The following ARVCF variants were observed in gnomAD, a reference collection of about 807,000 sequenced individuals.
ARVCF encodes the protein ARVCF delta catenin family member, also known as splicing regulator ARVCF.
In ARVCF, 66 loss-of-function variants were observed where a neutral mutation model predicts 90.9. That is an observed-to-expected ratio of 0.73 (90% CI 0.60 to 0.89). The LOEUF is 0.89. Among genes scored for constraint, ARVCF ranks in the 40% least tolerant of loss-of-function variants. The pLI is 0.00. For missense variants in ARVCF, 1,469 were observed against 1,382.3 expected, an observed-to-expected ratio of 1.06 and a Z score of -1.00; for synonymous variants, 653 against 603.4, an observed-to-expected ratio of 1.08 and a Z score of -1.21.
intron 2 of ARVCF, among the ~76,000 whole-genome samples, chr22:20,005,824 G>C (rs1383955471): frequency 2.6e-5 from 4 of 151,260 alleles, no homozygotes; most frequent in Non-Finnish European, 5.9e-5. Context: ...ATTGAAAGCA[G>C]AGTCTCCAAG....
At chr22:20,008,845 G>A (rs1317882813) in intron 2 of ARVCF, among the ~76,000 whole-genome samples, 1 of 152,192 alleles carries the variant, frequency 6.6e-6, no homozygotes, top group Non-Finnish European at 1.5e-5. Context: ...ATTCCAGATG[G>A]GCAGGATAGG....
At position 19,972,843 on chromosome 22, in the gene ARVCF, C is replaced by T. The variant is rs768260937; in HGVS notation, c.2551-16G>A. 1 of 1,613,596 alleles carries T rather than the reference C, an allele frequency of 6.2e-7. No homozygotes were observed. The highest frequency in any genetic ancestry group is 2.2e-5 in the East Asian group (1 of 44,866). On this transcript the variant is annotated splice_polypyrimidine_tract_variant and intron_variant, in intron 15 of 19. Coordinates refer to ENST00000263207, the MANE Select transcript of ARVCF (RefSeq NM_001670.3). ...CAGCAGCTGACTGAGACATAAAACA[C>T]AGACACAGGGTGGGTGAAGCACATG...
chr22:20,005,794 TAA>T (rs80188534), intron 2 of ARVCF, among the ~76,000 whole-genome samples: 42 of 115,522 alleles, frequency 3.6e-4, no homozygotes, highest in Non-Finnish European at 3.3e-4. Context: ...AGACTCCGTC[TAA>T]AAAAAAAAAA....
intron 2 of ARVCF, among the ~76,000 whole-genome samples, chr22:19,994,709 A>C (rs1944172470): frequency 1.3e-5 from 1 of 78,880 alleles, no homozygotes; most frequent in Non-Finnish European, 2.3e-5. Context: ...GGATGAATGG[A>C]TGGATGGGTG....
At chr22:19,983,024 G>A (rs2238781) in intron 3 of ARVCF, among the ~76,000 whole-genome samples, 1 of 152,110 alleles carries the variant, frequency 6.6e-6, no homozygotes, top group Non-Finnish European at 1.5e-5. Context: ...TCAGAGCCAG[G>A]CCCAACCCCT....
Position 19,996,349 on chromosome 22 carries a change from T to C in ARVCF, c.-18-5537A>G, listed in dbSNP as rs78183040. ...AAAAGGGCCACACAGTGTGGTCATG[T>C]TTTTTAAAGAACTGACACCATTTAG... is the stretch of plus-strand genomic sequence containing the variant. On this transcript the variant is annotated intron_variant, in intron 2 of 19. Transcript: ENST00000263207. 3.2e-3 allele frequency among the ~76,000 whole-genome samples: 483 copies of C among 150,804 alleles called. 4 individuals carry two copies. The highest frequency in any genetic ancestry group is 0.011 in the African/African-American group (471 of 41,144).
rs1451071583 is a variant in ARVCF at position 19,978,820 on chromosome 22, C to T, written c.1580+77G>A. 2.0e-6 allele frequency: 3 copies of T among 1,512,196 alleles called. No homozygotes were observed. The Admixed American group carries it at 6.0e-5, about 30-fold the overall frequency. 93.7% of individuals were successfully genotyped at this position (1,512,196 alleles called of 1,614,324 possible). A position where few individuals can be genotyped will look rare whatever the true frequency, so the allele number is the denominator to read the frequency against. On this transcript the variant is annotated intron_variant, in intron 7 of 19. Transcript: ENST00000263207. Reference sequence around the variant, plus strand: ...GCTCTGGCGCTCCTAAGCTCGCCGCCATCTTCCACACTATCTGGGACCACG... The same window carrying T: ...GCTCTGGCGCTCCTAAGCTCGCCGCTATCTTCCACACTATCTGGGACCACG...
At chr22:19,981,048 A>C in intron 5 of ARVCF, 163 bp downstream of exon 5, 1 of 941,634 alleles carries the variant, frequency 1.1e-6, no homozygotes, top group Non-Finnish European at 1.5e-6. Flanking sequence ...CTACCACCCC[A>C]GGGTCCACCT....
At chr22:20,006,111 G>A (rs181068188) in intron 2 of ARVCF, among the ~76,000 whole-genome samples, 6 of 152,234 alleles carry the variant, frequency 3.9e-5, no homozygotes, top group African/African-American at 7.2e-5. Context: ...AGGGGCAAAC[G>A]GGGAGTTTTC....
chr22:20,007,358 C>T (rs934008029), intron 2 of ARVCF, among the ~76,000 whole-genome samples: 3 of 152,202 alleles, frequency 2.0e-5, no homozygotes, highest in Non-Finnish European at 2.9e-5. Context: ...GCCAAGAATG[C>T]GCCACTGCAC....
chr22:19,986,697 A>C, intron 3 of ARVCF: 1 of 213,676 alleles, frequency 4.7e-6, no homozygotes, highest in Non-Finnish European at 9.2e-6. Flanking sequence ...CACAGACAGA[A>C]GCCGCTCAGG....
intron 1 of ARVCF, among the ~76,000 whole-genome samples, chr22:20,014,299 A>G (rs111598545): frequency 0.048 from 7,342 of 151,838 alleles, 212 homozygotes; most frequent in South Asian, 0.082. Flanking sequence ...GGTTCAAGCG[A>G]TTCTCCTGCC....
At chr22:19,980,599 C>G (rs1943438882) in intron 5 of ARVCF, 2 of 255,644 alleles carry the variant, frequency 7.8e-6, no homozygotes, top group African/African-American at 2.2e-5. Flanking sequence ...CTCCCTTCCA[C>G]AAAACCACCC....
intron 11 of ARVCF, among the ~76,000 whole-genome samples, chr22:19,974,469 G>C (rs947755953): frequency 2.6e-5 from 4 of 152,124 alleles, no homozygotes; most frequent in African/African-American, 9.7e-5. Flanking sequence ...CTGCCTGGCA[G>C]CAGGAGCATC....
At position 19,970,392 on chromosome 22, in the gene ARVCF, TGTGTTCCCAGGGGCACC is replaced by T; in HGVS notation, c.*347_*363del. On this transcript the variant is annotated 3_prime_UTR_variant, in exon 20 of 20. Transcript: ENST00000263207. ...GACCTGGCCCGCACCACTGGGGCACTGTGTTCCCAGGGGCACCCTCCTATCCCACCAGCCCCAAAGCC... is the reference window on the plus strand; with the variant it reads ...GACCTGGCCCGCACCACTGGGGCACTCTCCTATCCCACCAGCCCCAAAGCC... The T allele has an allele frequency of 9.6e-7, 1 of 1,045,574 alleles. No homozygotes were observed. The highest frequency in any genetic ancestry group is 9.1e-5 in the East Asian group (1 of 10,976). The allele number at this position is 1,045,574 out of a possible 1,614,324, so 64.8% of individuals were successfully genotyped here.
chr22:19,974,328 G>C (rs1943026886), intron 11 of ARVCF, 89 bp from the exon 12 acceptor site: 1 of 1,445,528 alleles, frequency 6.9e-7, no homozygotes, highest in African/African-American at 1.4e-5. Flanking sequence ...GAGCTCCCAG[G>C]GCGTGGGTGA....
chr22:19,975,099 A>G (rs912187052), intron 11 of ARVCF, among the ~76,000 whole-genome samples: 1 of 152,152 alleles, frequency 6.6e-6, no homozygotes, highest in African/African-American at 2.4e-5. Flanking sequence ...CCGCTGGGGT[A>G]TCTGCATCAG....
In ARVCF at chr22:19,981,737, C is replaced by G. The variant is rs756998917; in HGVS notation, c.370G>C (p.Val124Leu). ...GTCACCGTCTTGACAGTCTTGGTGA[C>G]CTGGTGGATGGATAGGCAGGTAGGT... ...DGTTRRTETK[V>L]TKTVKTVTTR... The change falls in exon 5 of 20, where the codon GTC (valine) becomes CTC (leucine). Residue 124 changes from valine (V) to leucine (L), a missense_variant and splice_region_variant. By Grantham distance (32) the Val-to-Leu change is conservative. Transcript: ENST00000263207. 4 of 1,561,388 alleles carry G rather than the reference C, an allele frequency of 2.6e-6. No individual in the cohort carries two copies. In the African/African-American group the frequency reaches 5.4e-5, roughly 21 times the overall value.
Position 19,979,766 on chromosome 22 carries a change from T to C in ARVCF, c.1373A>G (p.Asn458Ser), listed in dbSNP as rs1386188304. 21 of 1,603,482 alleles carry C rather than the reference T, an allele frequency of 1.3e-5. 1 individual carries two copies. Among genetic ancestry groups the C allele is most frequent in the East Asian group, 1.1e-4 (5 of 44,508 alleles). ...LVRLLRAARD[N>S]EVRELVTGTL... Reference sequence around the variant, plus strand: ...ACCAGTGACAAGCTCACGGACCTCGTTGTCCCGGGCAGCCCTCAGCAGGCG... The same window carrying C: ...ACCAGTGACAAGCTCACGGACCTCGCTGTCCCGGGCAGCCCTCAGCAGGCG... Residue 458 changes from asparagine to serine, a missense_variant, in exon 6 of 20, where the codon AAC becomes AGC. Physicochemically the swap from Asn to Ser is conservative, Grantham distance 46 (BLOSUM62 1). Transcript: ENST00000263207.
Sources: gnomAD v4.1 joint callset for allele counts (sites outside exome capture counted in the v4.1 genomes callset) on GRCh38, gnomAD v4.1.1 for gene constraint, MANE v1.5 for transcripts, NCBI Gene and HGNC (gene_info 2026-07-23, HGNC 2026-07-21) for gene names.